Variants in ZNF44 observed in about 807,000 individuals in gnomAD.
The protein encoded by ZNF44 is gonadotropin inducible transcription repressor-2.
A neutral mutation model predicts 11.7 loss-of-function variants in ZNF44; 9 were observed. The ratio of observed to expected loss-of-function variants is 0.77; its 90% CI spans 0.46 to 1.35. The LOEUF (loss-of-function observed/expected upper bound fraction) is 1.35. Among genes scored for constraint, ZNF44 ranks in the 40% most tolerant of loss-of-function variants. The probability of loss-of-function intolerance (pLI) is 0.00; values close to 1 mark genes in which losing one functional copy is unlikely to be tolerated. For synonymous variants in ZNF44, 224 were observed against 242.7 expected (o/e 0.92, Z 0.72); for missense variants, 696 against 743.1 (o/e 0.94, Z 0.74).
At chr19:12,253,276 G>A (rs1159396832) in intron 5 of ZNF44, among the ~76,000 whole-genome samples, 7 of 145,834 alleles carry the variant, frequency 4.8e-5, no homozygotes, top group Non-Finnish European at 1.0e-4. Flanking sequence ...TGCAACCTTC[G>A]ACTCTTGGGT....
intron 7 of ZNF44, among the ~76,000 whole-genome samples, chr19:12,249,374 T>C (rs1414331719): frequency 4.0e-5 from 6 of 149,920 alleles, no homozygotes; most frequent in East Asian, 2.1e-4. Flanking sequence ...GGCGTGGTGG[T>C]GGGCGCCTGT....
At chr19:12,226,628 C>CAGGTAGAG (rs1915930494) in intron 3 of ZNF44, 1 of 152,124 alleles carries the variant, frequency 6.6e-6, no homozygotes, top group African/African-American at 2.4e-5. Flanking sequence ...TGGAGAAAAT[C>CAGGTAGAG]AGGTAGAGAG....
upstream of ZNF44, chr19:12,238,226 C>A (rs927816828): frequency 6.7e-6 from 1 of 149,884 alleles, no homozygotes; most frequent in East Asian, 1.9e-4. Flanking sequence ...CGCGATGGCT[C>A]ACCCTATAAT....
intron 5 of ZNF44, among the ~76,000 whole-genome samples, chr19:12,259,845 G>A (rs1255104436): frequency 2.0e-5 from 3 of 152,342 alleles, no homozygotes; most frequent in East Asian, 1.9e-4. Context: ...AGAGGCGCAT[G>A]AAGCAGCAGC....
At chr19:12,285,137 C>A (rs1967676529) in intron 1 of ZNF44, 2 of 622,504 alleles carry the variant, frequency 3.2e-6, no homozygotes, top group Non-Finnish European at 5.7e-6. Context: ...AGACCCACAC[C>A]AGAGTCTCTG....
downstream of ZNF44, chr19:12,247,512 T>C (rs761519983): frequency 5.9e-6 from 8 of 1,349,326 alleles, no homozygotes; most frequent in Non-Finnish European, 6.9e-6. Context: ...TTTACCACAC[T>C]GTTTACATTC....
chr19:12,237,595 C>G (rs985090639), upstream of ZNF44: 8 of 152,876 alleles, frequency 5.2e-5, no homozygotes, highest in African/African-American at 1.9e-4. Flanking sequence ...GCCCCTTAGA[C>G]TTGCGGAGCT....
intron 5 of ZNF44, among the ~76,000 whole-genome samples, chr19:12,259,086 G>C (rs1196947858): frequency 6.6e-6 from 1 of 152,100 alleles, no homozygotes; most frequent in South Asian, 2.1e-4. Flanking sequence ...TGTTGCCCAG[G>C]CTCGTCTTGA....
chr19:12,261,281 G>C (rs1269454275), intron 5 of ZNF44, among the ~76,000 whole-genome samples: 2 of 152,188 alleles, frequency 1.3e-5, no homozygotes, highest in Non-Finnish European at 2.9e-5. Flanking sequence ...GGATGAAGTG[G>C]TCAATTGTGA....
intron 5 of ZNF44, among the ~76,000 whole-genome samples, chr19:12,252,197 A>G (rs543120365): frequency 6.6e-6 from 1 of 152,346 alleles, no homozygotes; most frequent in East Asian, 1.9e-4. Flanking sequence ...CCTTTCTCCA[A>G]TTTAAGAAGG....
At chr19:12,268,740 ATTTTTTT>A (rs34705958), downstream of ZNF44, among the ~76,000 whole-genome samples, 4 of 137,550 alleles carry the variant, frequency 2.9e-5, no homozygotes, top group South Asian at 2.3e-4. Context: ...TGCCTGGCTA[ATTTTTTT>A]TTTTTTTTTT....
intron 1 of ZNF44, among the ~76,000 whole-genome samples, chr19:12,236,550 G>C (rs911266020): frequency 6.6e-6 from 1 of 152,180 alleles, no homozygotes; most frequent in Non-Finnish European, 1.5e-5. Context: ...ACAGGTAATA[G>C]AAACCAGGCC....
intron 7 of ZNF44, among the ~76,000 whole-genome samples, chr19:12,249,515 A>G (rs1423660273): frequency 6.6e-6 from 1 of 151,536 alleles, no homozygotes; most frequent in Non-Finnish European, 1.5e-5. Flanking sequence ...CAGAAAAAAA[A>G]AAAAAAAAAA....
chr19:12,282,198 A>C (rs1967499920), intron 1 of ZNF44, among the ~76,000 whole-genome samples: 1 of 152,008 alleles, frequency 6.6e-6, no homozygotes, highest in Admixed American at 6.6e-5. Context: ...TTGAGAAATG[A>C]ATGTTTGTTG....
chr19:12,236,634 T>C (rs1916400002), intron 1 of ZNF44, among the ~76,000 whole-genome samples: 3 of 152,218 alleles, frequency 2.0e-5, no homozygotes, highest in Admixed American at 2.0e-4. Flanking sequence ...ACCTTGCCTA[T>C]CAGATGAAGC....
intron 5 of ZNF44, among the ~76,000 whole-genome samples, chr19:12,263,079 T>C (rs1872003260): frequency 6.6e-6 from 1 of 151,424 alleles, no homozygotes; most frequent in Non-Finnish European, 1.5e-5. Context: ...CTCAAATTCA[T>C]CAATCTTTTT....
intron 5 of ZNF44, among the ~76,000 whole-genome samples, chr19:12,252,647 A>T (rs1396764237): frequency 6.6e-6 from 1 of 152,120 alleles, no homozygotes; most frequent in East Asian, 1.9e-4. Flanking sequence ...TTACTTGGGC[A>T]ACCAGTGAAG....
At chr19:12,235,992 C>G (rs1196972441) in intron 1 of ZNF44, among the ~76,000 whole-genome samples, 3 of 152,182 alleles carry the variant, frequency 2.0e-5, no homozygotes, top group Admixed American at 1.3e-4. Flanking sequence ...TGCACTTACT[C>G]TGTTTTCCTC....
At chr19:12,237,753 G>A (rs1332847501), upstream of ZNF44, 1 of 152,384 alleles carries the variant, frequency 6.6e-6, no homozygotes, top group Admixed American at 6.5e-5. Flanking sequence ...GGATTGACAG[G>A]TTCTAGCAAC....
Sources: gnomAD v4.1 joint callset for allele counts (sites outside exome capture counted in the v4.1 genomes callset) on GRCh38, gnomAD v4.1.1 for gene constraint, MANE v1.5 for transcripts, NCBI Gene and HGNC (gene_info 2026-07-23, HGNC 2026-07-21) for gene names.